DNAH2: variants seen among roughly 807,000 people sequenced by gnomAD.
DNAH2 encodes dynein axonemal heavy chain 2.
A neutral mutation model predicts 523.5 loss-of-function variants in DNAH2; 323 were observed. The ratio of observed to expected loss-of-function variants is 0.62; its 90% confidence interval spans 0.56 to 0.68. The LOEUF (loss-of-function observed/expected upper bound fraction) is 0.68, where lower values mean the gene tolerates loss of function less well. Ranked by LOEUF, DNAH2 falls within the 30% of genes least tolerant of loss-of-function variation. The probability of loss-of-function intolerance (pLI) is 0.00; values close to 1 mark genes in which losing one functional copy is unlikely to be tolerated. For missense variants in DNAH2, 4,907 were observed against 5,701.5 expected (o/e 0.86, Z 4.49); for synonymous variants, 2,093 against 2,177.4 (o/e 0.96, Z 1.08).
In DNAH2 at chr17:7,766,640, CTT is replaced by C. The variant is rs58072098; in HGVS notation, c.3675+183_3675+184del. On this transcript the variant is annotated intron_variant, in intron 22 of 85. Coordinates refer to ENST00000572933, the MANE Select transcript of DNAH2 (RefSeq NM_020877.5). ...TAAAATTCATACAACAAAATTAATC[CTT>C]TTTTTTTTTTTTTTTTTTTTTTTGA... 9.1e-4 allele frequency among the ~76,000 whole-genome samples: 77 copies of C among 84,436 alleles called. 1 individual carries two copies. Among genetic ancestry groups the C allele is most frequent in the Middle Eastern group, 9.8e-3 (1 of 102 alleles). The allele number at this position is 84,436 out of a possible 152,430, so 55.4% of individuals were successfully genotyped here.
At chr17:7,776,722 G>C (rs976282822) in intron 31 of DNAH2, 57 bp from the exon 32 acceptor site, 1 of 1,398,590 alleles carries the variant, frequency 7.2e-7, no homozygotes, top group Non-Finnish European at 1.0e-6. Context: ...CTTGGGAGCT[G>C]GGCTGTGCGT....
intron 22 of DNAH2, 76 bp downstream of exon 22, chr17:7,766,557 C>A (rs2076173552): frequency 6.4e-6 from 9 of 1,415,754 alleles, no homozygotes; most frequent in Admixed American, 2.2e-5. Context: ...TTAGCGCCCA[C>A]AAAGGCAGTG....
chr17:7,824,494 G>T, intron 76 of DNAH2, 43 bp from the exon 77 acceptor site: 3 of 1,485,878 alleles, frequency 2.0e-6, no homozygotes. Context: ...GGACAGGCAG[G>T]GCTTAGGAAA....
chr17:7,808,201 T>C (rs2077419393), intron 63 of DNAH2, among the ~76,000 whole-genome samples: 1 of 152,014 alleles, frequency 6.6e-6, no homozygotes, highest in African/African-American at 2.4e-5. Context: ...TGAAACCCTA[T>C]CTCTACTAAA....
chr17:7,769,044 T>G (rs138678932), intron 24 of DNAH2, among the ~76,000 whole-genome samples: 3,765 of 152,338 alleles, frequency 0.025, 67 homozygotes, highest in Middle Eastern at 0.054. Flanking sequence ...GTCCTCTGCT[T>G]CTTGCACTGT....
At chr17:7,810,058 CTTTT>C (rs958468992) in intron 63 of DNAH2, among the ~76,000 whole-genome samples, 1 of 141,038 alleles carries the variant, frequency 7.1e-6, no homozygotes, top group Non-Finnish European at 1.6e-5. Context: ...TCTTTTCTTT[CTTTT>C]TTTTCTTTTT....
intron 2 of DNAH2, among the ~76,000 whole-genome samples, chr17:7,723,280 T>C (rs2074687995): frequency 7.3e-6 from 1 of 137,858 alleles, no homozygotes; most frequent in Admixed American, 7.3e-5. Flanking sequence ...TTTTTTTTTT[T>C]TTTTTTTTTT....
rs532022925 is a variant in DNAH2 at position 7,807,539 on chromosome 17, C to T, written c.9682C>T (p.Arg3228Trp). The T allele has an allele frequency of 2.6e-5, 42 of 1,613,194 alleles. No individual in the cohort carries two copies. Among genetic ancestry groups the T allele is most frequent in the Non-Finnish European group, 3.3e-5 (39 of 1,180,016 alleles). ...IRMNAALAQL[R>W]EKQAALAEAQ... The stretch of plus-strand genomic sequence containing the variant: ...AATGAACGCTGCCTTGGCTCAGCTT[C>T]GGGAGAAGCAAGCCGCGCTCGCTGA... Residue 3228 changes from arginine (R) to tryptophan (W), a missense_variant, in exon 63 of 86, where the codon CGG becomes TGG. Around this residue, in one of 3 missense-constraint regions of DNAH2, gnomAD observed 1,851 missense variants for 2,139.4 expected, o/e 0.87. Transcript: ENST00000572933. The surrounding 1 kb of genome is among the most constrained non-coding windows in gnomAD (Gnocchi z 5.6).
Position 7,797,225 on chromosome 17 carries a change from C to G in DNAH2, c.7913C>G (p.Ser2638Cys). ...RANKDFHDTKSSITRLWIHEC... is the reference protein window; with the variant it reads ...RANKDFHDTKCSITRLWIHEC... The stretch of plus-strand genomic sequence containing the variant: ...AACAAGGACTTCCATGATACCAAGT[C>G]CAGCATCACACGGCTCTGGATCCAT... Residue 2638 changes from serine to cysteine, a missense_variant, in exon 51 of 86, where the codon TCC becomes TGC. Physicochemically the swap from Ser to Cys is moderately radical, Grantham distance 112. Transcript: ENST00000572933. 6.2e-7 allele frequency: 1 copy of G among 1,614,086 alleles called. No individual in the cohort carries two copies. The highest frequency in any genetic ancestry group is 8.5e-7 in the Non-Finnish European group (1 of 1,180,026).
chr17:7,764,079 G>A (rs1275753846), intron 19 of DNAH2, 38 bp from the exon 20 acceptor site: 11 of 1,614,178 alleles, frequency 6.8e-6, no homozygotes, highest in Non-Finnish European at 8.5e-6. Context: ...CAGGCACTGG[G>A]CCTTCCACTC....
Position 7,823,022 on chromosome 17 carries a change from C to T in DNAH2, c.11143-420C>T, listed in dbSNP as rs116355227. On this transcript the variant is annotated intron_variant, in intron 73 of 85. Transcript: ENST00000572933. ...TACAAAAGCCATTTTGGGCTGGGCG[C>T]GGTGGCTGACACCTGTAATCCCAGT... 5.3e-3 allele frequency among the ~76,000 whole-genome samples: 802 copies of T among 152,206 alleles called. 3 individuals are homozygous for T. Among genetic ancestry groups the T allele is most frequent in the African/African-American group, 0.018 (762 of 41,512 alleles).
In DNAH2 at chr17:7,817,615, T is replaced by C; in HGVS notation, c.10075T>C (p.Cys3359Arg). Reference sequence around the variant, plus strand: ...TTCTTTCGCCATCGATAACTTCCTGTGCAATCCTACCAAAGTCCGGGACTG... The same window carrying C: ...TTCTTTCGCCATCGATAACTTCCTGCGCAATCCTACCAAAGTCCGGGACTG... ...SPSFAIDNFL[C>R]NPTKVRDWNI... Residue 3359 changes from cysteine to arginine, a missense_variant, in exon 66 of 86, where the codon TGC (cysteine) becomes CGC (arginine). Transcript: ENST00000572933. The C allele has an allele frequency of 6.2e-7, 1 of 1,614,164 alleles. No homozygotes were observed. The highest frequency in any genetic ancestry group is 8.5e-7 in the Non-Finnish European group (1 of 1,180,034).
At chr17:7,736,048 C>T (rs908794593) in intron 7 of DNAH2, among the ~76,000 whole-genome samples, 11 of 152,008 alleles carry the variant, frequency 7.2e-5, no homozygotes, top group South Asian at 2.1e-4. Flanking sequence ...CCACCTCGCC[C>T]GGCCTAATTT....
chr17:7,723,221 T>C (rs955541321), intron 2 of DNAH2, among the ~76,000 whole-genome samples: 16 of 149,038 alleles, frequency 1.1e-4, no homozygotes, highest in African/African-American at 2.7e-4. Flanking sequence ...CCGCCCGCCT[T>C]GGCCTCCCAA....
intron 53 of DNAH2, 132 bp downstream of exon 53, chr17:7,797,961 C>A: frequency 7.1e-7 from 1 of 1,416,404 alleles, no homozygotes; most frequent in Non-Finnish European, 9.5e-7. Context: ...CCCAGATGCC[C>A]TGTGGCAGTG....
rs2076599556 is a variant in DNAH2, at chr17:7,781,294, G to C, written c.6129+127G>C. ...GTTTGAGACTAGCCTGGGCAACATG[G>C]TGAAACCCTGTATCTACAAAAAGTA... On this transcript the variant is annotated intron_variant, in intron 39 of 85. Transcript: ENST00000572933. 3 of 1,062,788 alleles carry C rather than the reference G, an allele frequency of 2.8e-6. No individual in the cohort carries two copies. In the South Asian group the frequency reaches 4.1e-5, roughly 15 times the overall value. 65.8% of individuals were successfully genotyped at this position (1,062,788 alleles called of 1,614,324 possible).
At chr17:7,731,086 C>T (rs373725291) in intron 4 of DNAH2, among the ~76,000 whole-genome samples, 16 of 152,086 alleles carry the variant, frequency 1.1e-4, no homozygotes, top group African/African-American at 2.9e-4. Context: ...CCATTGCACT[C>T]AAGCCTGGGC....
At position 7,770,302 on chromosome 17, in the gene DNAH2, C is replaced by G; in HGVS notation, c.3992C>G (p.Ser1331Cys). ...DEIQREFDQESESFTLEQIVE... is the reference protein window; with the variant it reads ...DEIQREFDQECESFTLEQIVE... ...ATCCAGCGGGAGTTTGATCAGGAATCTGAAAGCTTCACCTTGGAGCAGATT... is the reference window on the plus strand; with the variant it reads ...ATCCAGCGGGAGTTTGATCAGGAATGTGAAAGCTTCACCTTGGAGCAGATT... Residue 1331 changes from serine to cysteine, a missense_variant, in exon 25 of 86, where the codon TCT becomes TGT. Ser to Cys is a moderately radical substitution (Grantham distance 112). Coordinates refer to ENST00000572933, the MANE Select transcript of DNAH2 (RefSeq NM_020877.5). The G allele has an allele frequency of 6.2e-7, 1 of 1,613,880 alleles. No individual in the cohort carries two copies. Among genetic ancestry groups the G allele is most frequent in the Non-Finnish European group, 8.5e-7 (1 of 1,179,906 alleles).
intron 64 of DNAH2, among the ~76,000 whole-genome samples, chr17:7,816,999 C>T (rs1319112755): frequency 6.6e-6 from 1 of 152,182 alleles, no homozygotes; most frequent in East Asian, 1.9e-4. Flanking sequence ...TGATGTAGCC[C>T]AACAACCAGA....
Sources: gnomAD v4.1 joint callset for allele counts (sites outside exome capture counted in the v4.1 genomes callset) on GRCh38, gnomAD v4.1.1 for gene constraint, gnomAD v4.1.1 regional missense constraint, Gnocchi (gnomAD v3.1) non-coding constraint, MANE v1.5 for transcripts, NCBI Gene and HGNC (gene_info 2026-07-23, HGNC 2026-07-21) for gene names.